ARHGEF28: variants seen among roughly 807,000 people sequenced by gnomAD.
ARHGEF28 encodes Rho guanine nucleotide exchange factor 28.
In ARHGEF28, 152 loss-of-function variants were observed where a neutral mutation model predicts 206.6. That is an observed-to-expected ratio of 0.74 (90% CI 0.64 to 0.84). ARHGEF28 has a LOEUF of 0.84. Among genes scored for constraint, ARHGEF28 ranks in the 40% least tolerant of loss-of-function variants. ARHGEF28 has a pLI of 0.00. For synonymous variants in ARHGEF28, 763 were observed against 776.4 expected (o/e 0.98, Z 0.29); for missense variants, 2,028 against 2,073.2 (o/e 0.98, Z 0.42).
intron 22 of ARHGEF28, among the ~76,000 whole-genome samples, chr5:73,879,973 A>G (rs919752285): frequency 6.6e-5 from 10 of 152,212 alleles, no homozygotes; most frequent in Non-Finnish European, 2.9e-5. Context: ...AGACAAGGAC[A>G]TTTAAGTCTG....
chr5:73,660,702 TTGTACATCTCCA>T (rs959354604), intron 1 of ARHGEF28, among the ~76,000 whole-genome samples: 1 of 152,222 alleles, frequency 6.6e-6, no homozygotes, highest in Non-Finnish European at 1.5e-5. Flanking sequence ...ATTAATCTCC[TTGTACATCTCCA>T]TCAGAGCTCT....
intron 2 of ARHGEF28, among the ~76,000 whole-genome samples, chr5:73,721,628 A>G (rs1210212713): frequency 6.6e-6 from 1 of 151,870 alleles, no homozygotes; most frequent in Non-Finnish European, 1.5e-5. Context: ...GCTGGAGTGC[A>G]GTGGTGTGAT....
intron 35 of ARHGEF28, among the ~76,000 whole-genome samples, chr5:73,927,516 GAGTAA>G (rs1763888089): frequency 6.6e-6 from 1 of 152,158 alleles, no homozygotes; most frequent in Non-Finnish European, 1.5e-5. Context: ...TGGCTCCAAG[GAGTAA>G]AGGAATAGAG....
At chr5:73,871,084 C>T (rs1396749383) in intron 21 of ARHGEF28, among the ~76,000 whole-genome samples, 3 of 152,192 alleles carry the variant, frequency 2.0e-5, no homozygotes, top group Non-Finnish European at 4.4e-5. Context: ...TGCTGTCCCT[C>T]TTAGTATTTC....
At chr5:73,837,923 G>C (rs532716479) in intron 10 of ARHGEF28, among the ~76,000 whole-genome samples, 2 of 152,022 alleles carry the variant, frequency 1.3e-5, no homozygotes, top group East Asian at 3.9e-4. Flanking sequence ...GGTATTTTTA[G>C]AAGAGACAGT....
chr5:73,894,943 G>A (rs1286737938), intron 29 of ARHGEF28, among the ~76,000 whole-genome samples: 2 of 151,956 alleles, frequency 1.3e-5, no homozygotes, highest in African/African-American at 2.4e-5. Flanking sequence ...GGAATGGCCG[G>A]CACAAAGGTC....
chr5:73,744,924 T>C (rs574924958), intron 2 of ARHGEF28, among the ~76,000 whole-genome samples: 50 of 152,046 alleles, frequency 3.3e-4, no homozygotes, highest in Non-Finnish European at 6.2e-4. Flanking sequence ...AAAAAACCTT[T>C]CCTCAGAAAA....
Position 73,776,587 on chromosome 5 carries a change from A to T in ARHGEF28, c.731A>T (p.His244Leu). The T allele has an allele frequency of 6.2e-7, 1 of 1,613,778 alleles. No homozygotes were observed. Among genetic ancestry groups the T allele is most frequent in the Non-Finnish European group, 8.5e-7 (1 of 1,179,822 alleles). ...GAAGAAGCCTCCTTGCATTACATTC[A>T]CTCATCGGAAACGCTGACCCTGACC... The part of the protein sequence containing the change: ...LSEEASLHYI[H>L]SSETLTLTLN... The change falls in exon 6 of 36, where the codon CAC becomes CTC. Residue 244 changes from histidine to leucine, a missense_variant. Transcript: ENST00000513042.
rs956824173 is a variant in ARHGEF28, at chr5:73,781,309, G to A, written c.910+564G>A. ...ACAGTCCTGATGGTGATTCAGAGACGGCATGTGTGATTCTGCTTGTGGTGG... is the reference window on the plus strand; with the variant it reads ...ACAGTCCTGATGGTGATTCAGAGACAGCATGTGTGATTCTGCTTGTGGTGG... On this transcript the variant is annotated intron_variant, in intron 7 of 35. Coordinates refer to ENST00000513042, the MANE Select transcript of ARHGEF28 (RefSeq NM_001177693.2). Among the ~76,000 whole-genome samples the A allele has an allele frequency of 2.0e-5, 3 of 152,158 alleles. No individual in the cohort carries two copies. The South Asian group carries it at 6.2e-4, about 32-fold the overall frequency.
intron 3 of ARHGEF28, 62 bp downstream of exon 3, chr5:73,750,046 C>A (rs2112397119): frequency 1.3e-6 from 2 of 1,581,492 alleles, no homozygotes; most frequent in African/African-American, 2.7e-5. Flanking sequence ...CCCTCCAGGG[C>A]TGTAGGCCAG....
intron 34 of ARHGEF28, 58 bp downstream of exon 34, chr5:73,909,955 G>A (rs906364230): frequency 3.4e-5 from 50 of 1,462,472 alleles, no homozygotes; most frequent in Non-Finnish European, 9.0e-6. Context: ...TGGGCCTGGG[G>A]GCTCCTAGGA....
intron 2 of ARHGEF28, among the ~76,000 whole-genome samples, chr5:73,688,993 G>T (rs1464489185): frequency 6.6e-6 from 1 of 152,186 alleles, no homozygotes. Context: ...GTTTTCAGTA[G>T]CATCAAGTTG....
chr5:73,886,964 G>A (rs936596017), intron 25 of ARHGEF28, among the ~76,000 whole-genome samples: 5 of 152,204 alleles, frequency 3.3e-5, no homozygotes, highest in African/African-American at 1.2e-4. Context: ...TTACCCATTG[G>A]AGGATGATCA....
rs1384779452 is a variant in ARHGEF28 at position 73,868,269 on chromosome 5, G to A, written c.2425+42G>A. On this transcript the variant is annotated intron_variant, in intron 20 of 35. Transcript: ENST00000513042. ...CTTCCATTTATTTGTGTTTTTGTTA[G>A]CATTTGCCAAAATGACACTGTCTGA... is the stretch of plus-strand genomic sequence containing the variant. 3 of 1,520,706 alleles carry A rather than the reference G, an allele frequency of 2.0e-6. No homozygotes were observed. In the Admixed American group the frequency reaches 6.5e-5, roughly 33 times the overall value. 94.2% of individuals were successfully genotyped at this position (1,520,706 alleles called of 1,614,324 possible). A position where few individuals can be genotyped will look rare whatever the true frequency, so the allele number is the denominator to read the frequency against.
At chr5:73,760,863 A>G (rs895996979) in intron 4 of ARHGEF28, among the ~76,000 whole-genome samples, 2 of 152,206 alleles carry the variant, frequency 1.3e-5, no homozygotes, top group Admixed American at 1.3e-4. Flanking sequence ...AAGGTACTAC[A>G]TGTTAAATAA....
intron 11 of ARHGEF28, among the ~76,000 whole-genome samples, chr5:73,844,915 C>CT (rs1158581186): frequency 1.3e-5 from 2 of 150,984 alleles, no homozygotes; most frequent in African/African-American, 4.9e-5. Flanking sequence ...AAATTCTTTC[C>CT]TTTTAATTTC....
At chr5:73,778,210 C>T (rs1347829788) in intron 6 of ARHGEF28, 1 of 152,232 alleles carries the variant, frequency 6.6e-6, no homozygotes, top group East Asian at 1.9e-4. Context: ...CAGAGCTCAG[C>T]CAAGTGCTTT....
chr5:73,868,843 C>T (rs1179955588), intron 20 of ARHGEF28, among the ~76,000 whole-genome samples: 2 of 152,180 alleles, frequency 1.3e-5, no homozygotes, highest in African/African-American at 4.8e-5. Context: ...GATGGGGTTT[C>T]ACCACATTGG....
At chr5:73,669,078 A>G (rs1355723933) in intron 1 of ARHGEF28, among the ~76,000 whole-genome samples, 1 of 152,214 alleles carries the variant, frequency 6.6e-6, no homozygotes, top group Non-Finnish European at 1.5e-5. Flanking sequence ...TAAGTGGCAT[A>G]TCCTACCTTG....
Sources: gnomAD v4.1 joint callset for allele counts (sites outside exome capture counted in the v4.1 genomes callset) on GRCh38, gnomAD v4.1.1 for gene constraint, MANE v1.5 for transcripts, NCBI Gene and HGNC (gene_info 2026-07-23, HGNC 2026-07-21) for gene names.